Variants in PRTG observed in about 807,000 individuals in gnomAD.
The protein encoded by PRTG is immunoglobulin superfamily, DCC subclass, member 5.
A neutral mutation model predicts 122.5 loss-of-function variants in PRTG; 67 were observed. The ratio of observed to expected loss-of-function variants is 0.55; its 90% CI spans 0.45 to 0.67. The LOEUF (loss-of-function observed/expected upper bound fraction) is 0.67. Among genes scored for constraint, PRTG ranks in the 30% least tolerant of loss-of-function variants. The pLI is 0.00. For missense variants in PRTG, 1,435 were observed against 1,415.4 expected, an observed-to-expected ratio of 1.01 and a Z score of -0.22; for synonymous variants, 554 against 501.1, an observed-to-expected ratio of 1.11 and a Z score of -1.41.
In PRTG at chr15:55,730,028, T is replaced by C. The variant is rs114864276; in HGVS notation, c.397+10354A>G. On this transcript the variant is annotated intron_variant, in intron 2 of 19. Transcript: ENST00000389286. The stretch of plus-strand genomic sequence containing the variant: ...AACAAGAAACCTTACACAAGTATAG[T>C]AGTAATGGGTGTGTTGCACAAAAAT... Among the ~76,000 whole-genome samples the C allele has an allele frequency of 4.4e-3, 670 of 152,352 alleles. 5 individuals carry two copies. Among genetic ancestry groups the C allele is most frequent in the African/African-American group, 0.015 (639 of 41,584 alleles).
At chr15:55,642,091 G>A (rs548778692) in intron 11 of PRTG, among the ~76,000 whole-genome samples, 1 of 148,152 alleles carries the variant, frequency 6.7e-6, no homozygotes, top group East Asian at 2.0e-4. Context: ...GGAGAATGGC[G>A]TGAACCCGGG....
chr15:55,686,769 C>T (rs918401043), intron 2 of PRTG, among the ~76,000 whole-genome samples: 3 of 152,320 alleles, frequency 2.0e-5, no homozygotes, highest in South Asian at 2.1e-4. Flanking sequence ...TTATAATTCA[C>T]GAAATACACC....
chr15:55,645,358 C>T (rs1310212904), intron 11 of PRTG, among the ~76,000 whole-genome samples: 6 of 134,040 alleles, frequency 4.5e-5, no homozygotes, highest in South Asian at 2.5e-4. Flanking sequence ...GGCGTGAACC[C>T]GGGAGGCGGA....
chr15:55,621,625 A>G (rs2059166869), intron 18 of PRTG, among the ~76,000 whole-genome samples: 1 of 152,208 alleles, frequency 6.6e-6, no homozygotes, highest in Non-Finnish European at 1.5e-5. Context: ...TGGGTAACAT[A>G]GCAAGACTCT....
intron 15 of PRTG, among the ~76,000 whole-genome samples, chr15:55,634,304 G>C (rs1344181587): frequency 3.3e-5 from 5 of 151,814 alleles, no homozygotes; most frequent in Non-Finnish European, 7.4e-5. Context: ...CCTGACCTCA[G>C]GGGATCCACC....
intron 11 of PRTG, among the ~76,000 whole-genome samples, chr15:55,664,301 C>T (rs1156592446): frequency 6.6e-6 from 1 of 152,060 alleles, no homozygotes; most frequent in Non-Finnish European, 1.5e-5. Context: ...GCCACAACGC[C>T]CAGCTAATTT....
intron 11 of PRTG, among the ~76,000 whole-genome samples, chr15:55,647,136 C>T (rs967384643): frequency 4.6e-5 from 7 of 152,012 alleles, no homozygotes; most frequent in East Asian, 1.9e-4. Flanking sequence ...AAGGAATAGC[C>T]GGGCGTGGTG....
At chr15:55,691,538 G>A (rs958865004) in intron 2 of PRTG, among the ~76,000 whole-genome samples, 6 of 151,462 alleles carry the variant, frequency 4.0e-5, no homozygotes, top group South Asian at 4.2e-4. Flanking sequence ...AAAATTAGCC[G>A]GGCATGGTGG....
intron 2 of PRTG, among the ~76,000 whole-genome samples, chr15:55,701,853 G>T (rs1021132873): frequency 1.3e-5 from 2 of 152,106 alleles, no homozygotes. Flanking sequence ...GACACAGAAG[G>T]TTACATAATA....
intron 5 of PRTG, 120 bp downstream of exon 5, chr15:55,680,371 A>ATG (rs2059530786): frequency 3.2e-6 from 4 of 1,233,116 alleles, no homozygotes; most frequent in Non-Finnish European, 4.4e-6. Context: ...TGCCAAAAAA[A>ATG]TTAAGACATT....
chr15:55,619,220 C>T lies in PRTG; in HGVS notation c.*792G>A, dbSNP rs530706420. Reference sequence around the variant, plus strand: ...GACTCTAATGCCCAAAACATAAAGGCCTTTTAAGCAAAATGATCCCTACCT... The same window carrying T: ...GACTCTAATGCCCAAAACATAAAGGTCTTTTAAGCAAAATGATCCCTACCT... On this transcript the variant is annotated 3_prime_UTR_variant, in exon 20 of 20. Transcript: ENST00000389286. The T allele has an allele frequency of 1.3e-5, 2 of 152,050 alleles. No homozygotes were observed. Among genetic ancestry groups the T allele is most frequent in the Non-Finnish European group, 2.9e-5 (2 of 68,016 alleles). 9.4% of individuals were successfully genotyped at this position (152,050 alleles called of 1,614,324 possible). A position where few individuals can be genotyped will look rare whatever the true frequency, so the allele number is the denominator to read the frequency against.
At chr15:55,698,412 T>C (rs1458234832) in intron 2 of PRTG, among the ~76,000 whole-genome samples, 2 of 152,180 alleles carry the variant, frequency 1.3e-5, no homozygotes, top group Non-Finnish European at 2.9e-5. Context: ...CATCTTAGCC[T>C]TCCCAGTAGC....
chr15:55,682,066 T>G (rs1292549631), intron 4 of PRTG, among the ~76,000 whole-genome samples: 1 of 152,158 alleles, frequency 6.6e-6, no homozygotes, highest in African/African-American at 2.4e-5. Context: ...GAAAATAACA[T>G]GCCATTTTCT....
chr15:55,629,405 G>T lies in PRTG; in HGVS notation c.2624-401C>A, dbSNP rs866018500. On this transcript the variant is annotated intron_variant, in intron 15 of 19. Transcript: ENST00000389286. ...TGTGTGTGTGTGTGTGTGTGTGTGT[G>T]TGTGTGTGTGTGTGTGTGTGTGTGT... 8.0e-3 allele frequency among the ~76,000 whole-genome samples: 923 copies of T among 115,964 alleles called. 17 individuals carry two copies. Among genetic ancestry groups the T allele is most frequent in the African/African-American group, 0.034 (836 of 24,298 alleles). The allele number at this position is 115,964 out of a possible 152,430, so 76.1% of individuals were successfully genotyped here. A position where few individuals can be genotyped will look rare whatever the true frequency, so the allele number is the denominator to read the frequency against.
intron 6 of PRTG, chr15:55,679,767 A>C: frequency 2.3e-6 from 1 of 430,354 alleles, no homozygotes; most frequent in Non-Finnish European, 4.1e-6. Context: ...TTAAATTTTT[A>C]AATTGGCAAA....
intron 13 of PRTG, among the ~76,000 whole-genome samples, chr15:55,639,040 T>C (rs1307528293): frequency 6.6e-6 from 1 of 152,160 alleles, no homozygotes; most frequent in East Asian, 1.9e-4. Flanking sequence ...AGTGGGATCA[T>C]AGCTCACTGC....
At chr15:55,705,763 T>C (rs1425025539) in intron 2 of PRTG, among the ~76,000 whole-genome samples, 2 of 151,938 alleles carry the variant, frequency 1.3e-5, no homozygotes. Flanking sequence ...CTGATCAACA[T>C]CAATTTAATT....
chr15:55,675,700 A>T lies in PRTG; in HGVS notation c.1382-17T>A. On this transcript the variant is annotated splice_polypyrimidine_tract_variant and intron_variant, in intron 8 of 19. Transcript: ENST00000389286. ...TATTTAAACCTAAATTAAAGAATCC[A>T]TGTTTTAAAATGACAGATATTCAAA... 1 of 1,464,632 alleles carries T rather than the reference A, an allele frequency of 6.8e-7. No individual in the cohort carries two copies. Among genetic ancestry groups the T allele is most frequent in the African/African-American group, 1.4e-5 (1 of 72,050 alleles). 90.7% of individuals were successfully genotyped at this position (1,464,632 alleles called of 1,614,324 possible). A position where few individuals can be genotyped will look rare whatever the true frequency, so the allele number is the denominator to read the frequency against.
chr15:55,690,413 A>G (rs1332114980), intron 2 of PRTG, among the ~76,000 whole-genome samples: 1 of 152,212 alleles, frequency 6.6e-6, no homozygotes, highest in Non-Finnish European at 1.5e-5. Context: ...ATTTAATTAA[A>G]TTACTATCCA....
Sources: gnomAD v4.1 joint callset for allele counts (sites outside exome capture counted in the v4.1 genomes callset) on GRCh38, gnomAD v4.1.1 for gene constraint, MANE v1.5 for transcripts, NCBI Gene and HGNC (gene_info 2026-07-23, HGNC 2026-07-21) for gene names.